The following CHCHD3 variants were observed in gnomAD, a reference collection of about 807,000 sequenced individuals.
CHCHD3 encodes coiled-coil-helix-coiled-coil-helix domain containing 3.
Under a neutral mutation model 38.2 loss-of-function variants are expected in CHCHD3, and 20 were observed. That is an observed-to-expected ratio of 0.52 (90% CI 0.37 to 0.76). The LOEUF (loss-of-function observed/expected upper bound fraction) is 0.76. Among genes scored for constraint, CHCHD3 ranks in the 30% least tolerant of loss-of-function variants. CHCHD3 has a pLI of 0.00. For missense variants in CHCHD3, 245 were observed against 279.2 expected, an observed-to-expected ratio of 0.88 and a Z score of 0.87; for synonymous variants, 82 against 100.0, an observed-to-expected ratio of 0.82 and a Z score of 1.07.
chr7:133,011,609 G>A (rs1812875622), intron 3 of CHCHD3, among the ~76,000 whole-genome samples: 1 of 152,174 alleles, frequency 6.6e-6, no homozygotes, highest in Non-Finnish European at 1.5e-5. Flanking sequence ...AAGTCCCATG[G>A]GGAAGGGAGC....
At chr7:132,853,567 A>T (rs1562885975) in intron 5 of CHCHD3, among the ~76,000 whole-genome samples, 1 of 152,172 alleles carries the variant, frequency 6.6e-6, no homozygotes, top group Non-Finnish European at 1.5e-5. Flanking sequence ...GGTTGTAGGG[A>T]GCTGAGATCG....
At chr7:133,045,344 C>A (rs1177785957) in intron 2 of CHCHD3, among the ~76,000 whole-genome samples, 1 of 152,140 alleles carries the variant, frequency 6.6e-6, no homozygotes, top group Admixed American at 6.6e-5. Context: ...GAGAGACATG[C>A]CATTTCAGTG....
At chr7:132,898,816 G>T (rs1399657792) in intron 4 of CHCHD3, among the ~76,000 whole-genome samples, 2 of 151,854 alleles carry the variant, frequency 1.3e-5, no homozygotes, top group African/African-American at 4.8e-5. Context: ...ACTGCTGGGG[G>T]ACCCAGTACA....
chr7:133,074,136 T>C (rs191335948), intron 1 of CHCHD3, among the ~76,000 whole-genome samples: 1 of 152,350 alleles, frequency 6.6e-6, no homozygotes, highest in African/African-American at 2.4e-5. Flanking sequence ...ACATTCACCT[T>C]TCTGCCTTTC....
intron 3 of CHCHD3, among the ~76,000 whole-genome samples, chr7:132,980,220 C>T (rs1190417815): frequency 1.3e-5 from 2 of 152,154 alleles, no homozygotes; most frequent in African/African-American, 4.8e-5. Context: ...GGAGAGAAGA[C>T]CCAGGCTCTC....
chr7:132,797,084 T>C (rs1806639157), intron 6 of CHCHD3, among the ~76,000 whole-genome samples: 1 of 152,146 alleles, frequency 6.6e-6, no homozygotes, highest in Non-Finnish European at 1.5e-5. Flanking sequence ...TTCTTTCCCA[T>C]AGGAAATCGA....
At chr7:132,954,292 C>T (rs996341351) in intron 4 of CHCHD3, among the ~76,000 whole-genome samples, 15 of 152,176 alleles carry the variant, frequency 9.9e-5, no homozygotes, top group African/African-American at 3.6e-4. Context: ...AGCACAAAAC[C>T]CATGGGCTGC....
intron 4 of CHCHD3, among the ~76,000 whole-genome samples, chr7:132,907,921 G>GA (rs952199622): frequency 1.3e-5 from 2 of 151,892 alleles, no homozygotes; most frequent in Non-Finnish European, 2.9e-5. Context: ...CTGCAGAACT[G>GA]AAAAAAACAA....
chr7:132,969,464 C>T (rs1811556540), intron 4 of CHCHD3, among the ~76,000 whole-genome samples: 1 of 152,124 alleles, frequency 6.6e-6, no homozygotes, highest in Non-Finnish European at 1.5e-5. Flanking sequence ...GGCCAGGACC[C>T]TCCTCAATGC....
At chr7:132,790,862 G>T (rs1164212317) in intron 7 of CHCHD3, among the ~76,000 whole-genome samples, 1 of 152,150 alleles carries the variant, frequency 6.6e-6, no homozygotes, top group Non-Finnish European at 1.5e-5. Context: ...GTCACCTACT[G>T]TTTCAATGGG....
At chr7:132,877,279 C>T (rs1371169073) in intron 5 of CHCHD3, among the ~76,000 whole-genome samples, 7 of 152,074 alleles carry the variant, frequency 4.6e-5, no homozygotes, top group East Asian at 1.9e-4. Flanking sequence ...GAAAAGCCAA[C>T]GCATTTTGAG....
At chr7:132,964,109 A>T (rs950535525) in intron 4 of CHCHD3, among the ~76,000 whole-genome samples, 6 of 152,258 alleles carry the variant, frequency 3.9e-5, no homozygotes, top group Non-Finnish European at 8.8e-5. Context: ...GACTGAATTC[A>T]CTACGAGTAG....
At chr7:133,031,548 T>C (rs1273731663) in intron 2 of CHCHD3, among the ~76,000 whole-genome samples, 5 of 152,142 alleles carry the variant, frequency 3.3e-5, no homozygotes, top group Non-Finnish European at 5.9e-5. Context: ...CCAATTACAG[T>C]ATTTCTTAAA....
chr7:132,836,474 C>T (rs1307964562), intron 6 of CHCHD3, among the ~76,000 whole-genome samples: 2 of 151,756 alleles, frequency 1.3e-5, no homozygotes, highest in African/African-American at 4.8e-5. Flanking sequence ...AGAGACTTCC[C>T]ATCTGATTGT....
intron 4 of CHCHD3, among the ~76,000 whole-genome samples, chr7:132,904,835 C>G (rs951993141): frequency 6.6e-6 from 1 of 152,142 alleles, no homozygotes. Context: ...AAATTTGGAA[C>G]CAACCCAAAT....
Position 132,936,592 on chromosome 7 carries a change from C to G in CHCHD3, c.369+38577G>C, listed in dbSNP as rs145340315. 5.7e-3 allele frequency among the ~76,000 whole-genome samples: 873 copies of G among 152,304 alleles called. 8 individuals are homozygous for G. The highest frequency in any genetic ancestry group is 0.02 in the African/African-American group (835 of 41,566). On this transcript the variant is annotated intron_variant, in intron 4 of 7. Transcript: ENST00000262570. Reference sequence around the variant, plus strand: ...AAAAGTATGCAGGACCTTAAGCTTGCCCTATTTCCCAATCTTATTCAAACT... The same window carrying G: ...AAAAGTATGCAGGACCTTAAGCTTGGCCTATTTCCCAATCTTATTCAAACT...
At chr7:133,019,399 G>C (rs1295375966) in intron 3 of CHCHD3, among the ~76,000 whole-genome samples, 2 of 152,024 alleles carry the variant, frequency 1.3e-5, no homozygotes, top group Admixed American at 6.5e-5. Flanking sequence ...TTCACCATTA[G>C]TATGAGAAAC....
At chr7:133,006,496 A>AAT (rs1812704916) in intron 3 of CHCHD3, among the ~76,000 whole-genome samples, 1 of 115,774 alleles carries the variant, frequency 8.6e-6, no homozygotes, top group Non-Finnish European at 1.9e-5. Context: ...AATAAATAAA[A>AAT]AAATAAATAA....
At chr7:132,890,383 T>A (rs1809331706) in intron 4 of CHCHD3, among the ~76,000 whole-genome samples, 1 of 152,180 alleles carries the variant, frequency 6.6e-6, no homozygotes, top group African/African-American at 2.4e-5. Context: ...AACTTTACCT[T>A]CCCATGAATA....
Sources: allele counts gnomAD v4.1 joint callset (sites outside exome capture counted in the v4.1 genomes callset), GRCh38; gene constraint gnomAD v4.1.1; transcripts MANE v1.5; gene names NCBI Gene and HGNC (gene_info 2026-07-23, HGNC 2026-07-21).